NHSL1: variants seen among roughly 807,000 people sequenced by gnomAD.
NHSL1 encodes NHS like 1.
A neutral mutation model predicts 95.0 loss-of-function variants in NHSL1; 48 were observed. The observed-to-expected ratio is 0.51, with a 90% CI of 0.40 to 0.64. NHSL1 has a LOEUF of 0.64. Among genes scored for constraint, NHSL1 ranks in the 30% least tolerant of loss-of-function variants. The pLI is 0.00. For missense variants in NHSL1, 1,971 were observed against 2,077.7 expected (o/e 0.95, Z 1.00); for synonymous variants, 783 against 833.9 (o/e 0.94, Z 1.05).
intron 1 of NHSL1, among the ~76,000 whole-genome samples, chr6:138,657,814 C>CAAAAA (rs1051789759): frequency 1.7e-3 from 54 of 32,630 alleles, no homozygotes; most frequent in Admixed American, 1.7e-3. Context: ...GACTCCATCT[C>CAAAAA]AAAAAAAAAA....
chr6:138,516,394 T>C (rs1781463552), intron 1 of NHSL1, among the ~76,000 whole-genome samples: 1 of 152,182 alleles, frequency 6.6e-6, no homozygotes, highest in East Asian at 1.9e-4. Context: ...ATATACTCTA[T>C]TTTAAATCCC....
chr6:138,680,569 A>T (rs1170548623), intron 1 of NHSL1, among the ~76,000 whole-genome samples: 5 of 152,124 alleles, frequency 3.3e-5, no homozygotes, highest in African/African-American at 1.2e-4. Flanking sequence ...AATAAACCCA[A>T]CTATGTTGTT....
exon 1 of NHSL1, chr6:138,572,345 C>G (rs530240298): frequency 6.4e-6 from 1 of 156,048 alleles, no homozygotes; most frequent in Non-Finnish European, 1.4e-5. Context: ...CTTTCCCCAC[C>G]AGGGCAGAAA....
intron 1 of NHSL1, among the ~76,000 whole-genome samples, chr6:138,651,575 T>C (rs979836032): frequency 2.6e-5 from 4 of 152,152 alleles, no homozygotes; most frequent in African/African-American, 9.7e-5. Flanking sequence ...AGACGGAAGG[T>C]GAACGGAAAG....
intron 1 of NHSL1, among the ~76,000 whole-genome samples, chr6:138,681,762 G>A (rs1052218528): frequency 6.6e-6 from 1 of 152,088 alleles, no homozygotes; most frequent in African/African-American, 2.4e-5. Flanking sequence ...CATTTTATCA[G>A]ATGTGTAATG....
intron 1 of NHSL1, among the ~76,000 whole-genome samples, chr6:138,597,020 G>A (rs1784311004): frequency 6.6e-6 from 1 of 152,062 alleles, no homozygotes; most frequent in Admixed American, 6.6e-5. Flanking sequence ...AATTAGCCAG[G>A]TGTGGTGGCG....
intron 1 of NHSL1, among the ~76,000 whole-genome samples, chr6:138,619,947 CAAAAAAAA>C (rs11376703): frequency 9.8e-6 from 1 of 102,200 alleles, no homozygotes; most frequent in African/African-American, 3.7e-5. Flanking sequence ...AACTCTATCA[CAAAAAAAA>C]AAAAAAAAAA....
At chr6:138,568,294 A>G (rs1387117751) in intron 1 of NHSL1, among the ~76,000 whole-genome samples, 1 of 152,156 alleles carries the variant, frequency 6.6e-6, no homozygotes, top group Non-Finnish European at 1.5e-5. Context: ...TTGCTTCTCC[A>G]TTTAAGCATG....
chr6:138,647,498 T>C (rs1785034627), intron 1 of NHSL1, among the ~76,000 whole-genome samples: 1 of 152,166 alleles, frequency 6.6e-6, no homozygotes, highest in Admixed American at 6.5e-5. Context: ...AAAACATTTG[T>C]AATCAGTCAA....
Position 138,571,751 on chromosome 6 carries a change from A to AC in NHSL1, c.160dup (p.Val54GlyfsTer3). 6.4e-7 allele frequency: 1 copy of AC among 1,552,274 alleles called. No homozygotes were observed. The highest frequency in any genetic ancestry group is 8.7e-7 in the Non-Finnish European group (1 of 1,147,106). On this transcript the variant is annotated frameshift_variant, in exon 1 of 7. Coordinates refer to the NHSL1 transcript ENST00000427025. LOFTEE classifies it high-confidence loss of function. ...TCTGTATATCCAGTTTTCGTCATCC[A>AC]CTTCCACCTGCTGCCCACAAACCGA... is the stretch of plus-strand genomic sequence containing the variant.
intron 1 of NHSL1, among the ~76,000 whole-genome samples, chr6:138,523,650 A>C (rs7382127): frequency 0.021 from 3,188 of 151,402 alleles, 297 homozygotes; most frequent in Admixed American, 0.15. Flanking sequence ...AAAAAAAAAA[A>C]AACAGAGCTA....
At chr6:138,689,675 TG>T (rs1293065108) in intron 1 of NHSL1, among the ~76,000 whole-genome samples, 1 of 152,198 alleles carries the variant, frequency 6.6e-6, no homozygotes, top group Admixed American at 6.5e-5. Context: ...TAATTGCTCC[TG>T]GGGAGACTCA....
chr6:138,502,473 T>G (rs1235137309), upstream of NHSL1, among the ~76,000 whole-genome samples: 1 of 150,194 alleles, frequency 6.7e-6, no homozygotes, highest in African/African-American at 2.5e-5. Flanking sequence ...TATATGACAG[T>G]GGCGGAAAAA....
chr6:138,481,554 A>G (rs1779418288), intron 2 of NHSL1, among the ~76,000 whole-genome samples: 2 of 152,228 alleles, frequency 1.3e-5, no homozygotes, highest in Non-Finnish European at 2.9e-5. Flanking sequence ...TGTGTAGCAT[A>G]TCAAAGAGGT....
chr6:138,583,323 G>C (rs1175984590), intron 1 of NHSL1, among the ~76,000 whole-genome samples: 2 of 152,298 alleles, frequency 1.3e-5, no homozygotes, highest in African/African-American at 2.4e-5. Flanking sequence ...GCATCATGGG[G>C]AAGGGAAATA....
chr6:138,607,686 C>T (rs1784453206), intron 1 of NHSL1, among the ~76,000 whole-genome samples: 1 of 152,172 alleles, frequency 6.6e-6, no homozygotes, highest in East Asian at 1.9e-4. Context: ...CAAGGACCGC[C>T]AGGAGTCATA....
Position 138,473,309 on chromosome 6 carries a change from T to C in NHSL1, c.336A>G (p.Gln112=). ...DYQDEDEETD[Q]KCSLSSSEEE... is the part of the protein sequence containing the mutation. ...CGTGTTGAACTTTGAAGCTTACCTT[T>C]TGATCTGTTTCTTCATCTTCATCTT... The change falls in exon 3 of 8, where the codon CAA becomes CAG. Residue 112 remains glutamine, a synonymous_variant. Coordinates refer to ENST00000343505, the MANE Select transcript of NHSL1 (RefSeq NM_001144060.2). The C allele has an allele frequency of 6.5e-7, 1 of 1,541,276 alleles. No homozygotes were observed. The highest frequency in any genetic ancestry group is 8.7e-7 in the Non-Finnish European group (1 of 1,143,266).
At chr6:138,512,405 G>T in intron 1 of NHSL1, 2 of 434,432 alleles carry the variant, frequency 4.6e-6, no homozygotes. Context: ...TGTTAAAATA[G>T]GATAAAATTC....
At chr6:138,495,908 C>T (rs1292584281) in intron 2 of NHSL1, among the ~76,000 whole-genome samples, 2 of 152,110 alleles carry the variant, frequency 1.3e-5, no homozygotes, top group African/African-American at 4.8e-5. Context: ...ATAAAACCAT[C>T]AGATTTCATG....
Sources: allele counts gnomAD v4.1 joint callset (sites outside exome capture counted in the v4.1 genomes callset), GRCh38; gene constraint gnomAD v4.1.1; transcripts MANE v1.5; gene names NCBI Gene and HGNC (gene_info 2026-07-23, HGNC 2026-07-21).